ST8SIA1: variants seen among roughly 807,000 people sequenced by gnomAD.
ST8SIA1 encodes the protein alpha-N-acetylneuraminide alpha-2,8-sialyltransferase.
Under a neutral mutation model 35.9 loss-of-function variants are expected in ST8SIA1, and 16 were observed. That is an observed-to-expected ratio of 0.45 (90% confidence interval 0.30 to 0.68). The LOEUF (loss-of-function observed/expected upper bound fraction) is 0.68. Ranked by LOEUF, ST8SIA1 falls within the 30% of genes least tolerant of loss-of-function variation. The pLI, the probability that ST8SIA1 is intolerant of heterozygous loss-of-function variation, is 0.09. For synonymous variants in ST8SIA1, 170 were observed against 169.6 expected (o/e 1.00, Z -0.02); for missense variants, 383 against 453.6 (o/e 0.84, Z 1.41).
In ST8SIA1 at chr12:22,306,337, G is replaced by A. The variant is rs568861737; in HGVS notation, c.237-19044C>T. 6.2e-4 allele frequency among the ~76,000 whole-genome samples: 94 copies of A among 152,036 alleles called. 5 individuals carry two copies. The highest frequency in any genetic ancestry group is 6.1e-3 in the Admixed American group (93 of 15,256). On this transcript the variant is annotated intron_variant, in intron 1 of 4. Transcript: ENST00000396037. ...ACTGAGACCTGTCTCACATATTCAG[G>A]GTTCACACCTTATTCTTTCTTTCTT... is the stretch of plus-strand genomic sequence containing the variant.
At chr12:22,227,984 C>A (rs940334110) in intron 4 of ST8SIA1, among the ~76,000 whole-genome samples, 1 of 152,238 alleles carries the variant, frequency 6.6e-6, no homozygotes, top group Non-Finnish European at 1.5e-5. Context: ...TCCAGCTGCA[C>A]TGTTCTAAGG....
At position 22,194,488 on chromosome 12, in the gene ST8SIA1, T is replaced by G. The variant is rs1482356787; in HGVS notation, c.*7064A>C. 1 of 152,174 alleles carries G rather than the reference T, an allele frequency of 6.6e-6. No homozygotes were observed. Among genetic ancestry groups the G allele is most frequent in the Non-Finnish European group, 1.5e-5 (1 of 68,030 alleles). 9.4% of individuals were successfully genotyped at this position (152,174 alleles called of 1,614,324 possible). A position where few individuals can be genotyped will look rare whatever the true frequency, so the allele number is the denominator to read the frequency against. ...CTTGGAACAGACATGATTACATCTC[T>G]AAAGTGACAGAGGTATATGAAGGAA... On this transcript the variant is annotated 3_prime_UTR_variant, in exon 5 of 5. Transcript: ENST00000396037.
intron 1 of ST8SIA1, among the ~76,000 whole-genome samples, chr12:22,289,351 G>C (rs1268128186): frequency 6.6e-6 from 1 of 151,956 alleles, no homozygotes; most frequent in Non-Finnish European, 1.5e-5. Flanking sequence ...GGCTTAGAGC[G>C]GTTCCAGGAC....
intron 1 of ST8SIA1, among the ~76,000 whole-genome samples, chr12:22,313,865 G>C (rs1294499303): frequency 6.6e-6 from 1 of 152,040 alleles, no homozygotes; most frequent in Admixed American, 6.6e-5. Flanking sequence ...CTTATGCCCT[G>C]GTATTTGCTC....
intron 1 of ST8SIA1, among the ~76,000 whole-genome samples, chr12:22,303,668 CT>C (rs1401892092): frequency 2.6e-5 from 4 of 151,952 alleles, no homozygotes; most frequent in African/African-American, 9.7e-5. Context: ...TTTTGCTTAA[CT>C]TTTTTTGTTG....
At chr12:22,210,998 T>C (rs1374954376) in intron 4 of ST8SIA1, among the ~76,000 whole-genome samples, 1 of 152,250 alleles carries the variant, frequency 6.6e-6, no homozygotes, top group Non-Finnish European at 1.5e-5. Context: ...TTTCTGTCCA[T>C]AAATTCTCTC....
intron 4 of ST8SIA1, among the ~76,000 whole-genome samples, chr12:22,238,427 C>T (rs895646120): frequency 6.6e-5 from 10 of 151,780 alleles, no homozygotes; most frequent in African/African-American, 1.7e-4. Flanking sequence ...AGAAACCACA[C>T]AGAAAGCCCT....
intron 1 of ST8SIA1, among the ~76,000 whole-genome samples, chr12:22,287,671 T>C (rs1866118759): frequency 6.6e-6 from 1 of 152,176 alleles, no homozygotes; most frequent in Admixed American, 6.5e-5. Flanking sequence ...GCTATTCAGC[T>C]ACAGCAGAGG....
intron 1 of ST8SIA1, among the ~76,000 whole-genome samples, chr12:22,304,328 CTTTTTCTT>C (rs1314604553): frequency 1.9e-4 from 20 of 103,912 alleles, no homozygotes; most frequent in Non-Finnish European, 3.6e-4. Flanking sequence ...TTGTCTTTTT[CTTTTTCTT>C]TTTTTTTTTT....
At position 22,231,892 on chromosome 12, in the gene ST8SIA1, A is replaced by C. The variant is rs73267975; in HGVS notation, c.584+17114T>G. On this transcript the variant is annotated intron_variant, in intron 4 of 4. Coordinates refer to ENST00000396037, the MANE Select transcript of ST8SIA1 (RefSeq NM_003034.4). Reference sequence around the variant, plus strand: ...GGTTTTACAAATGTCAAAGTTTAAAAGACAAGAATAAGAATCTCTTACATG... The same window carrying C: ...GGTTTTACAAATGTCAAAGTTTAAACGACAAGAATAAGAATCTCTTACATG... Among the ~76,000 whole-genome samples the C allele has an allele frequency of 2.3e-3, 344 of 152,336 alleles. 2 individuals are homozygous for C. Among genetic ancestry groups the C allele is most frequent in the African/African-American group, 7.3e-3 (303 of 41,576 alleles).
At chr12:22,288,662 A>C (rs909849294) in intron 1 of ST8SIA1, among the ~76,000 whole-genome samples, 5 of 152,172 alleles carry the variant, frequency 3.3e-5, no homozygotes, top group African/African-American at 1.2e-4. Flanking sequence ...CAATGGAAAG[A>C]AGGACAGAAG....
At chr12:22,308,243 G>A (rs1428271133) in intron 1 of ST8SIA1, among the ~76,000 whole-genome samples, 1 of 152,144 alleles carries the variant, frequency 6.6e-6, no homozygotes, top group Non-Finnish European at 1.5e-5. Context: ...ACTTTTAAGA[G>A]CTATTAAAAA....
At chr12:22,203,897 A>G (rs2284849) in intron 4 of ST8SIA1, among the ~76,000 whole-genome samples, 65,216 of 151,950 alleles carry the variant, frequency 0.43, 14,297 homozygotes, top group East Asian at 0.6. Context: ...GTTCACTAAT[A>G]TCACAGCTTC....
At chr12:22,226,806 T>C (rs1361532127) in intron 4 of ST8SIA1, among the ~76,000 whole-genome samples, 2 of 152,214 alleles carry the variant, frequency 1.3e-5, no homozygotes, top group African/African-American at 4.8e-5. Context: ...GCTCATCCTT[T>C]GTTCTCCTAA....
chr12:22,292,803 C>T (rs1866195017), intron 1 of ST8SIA1, among the ~76,000 whole-genome samples: 1 of 152,130 alleles, frequency 6.6e-6, no homozygotes, highest in South Asian at 2.1e-4. Flanking sequence ...GTACTATGCT[C>T]ACTACCTGAA....
At chr12:22,276,604 C>T (rs1488129538) in intron 2 of ST8SIA1, among the ~76,000 whole-genome samples, 1 of 152,100 alleles carries the variant, frequency 6.6e-6, no homozygotes, top group African/African-American at 2.4e-5. Flanking sequence ...GCCACCCCCA[C>T]CCCTGCCCGA....
chr12:22,272,241 G>A (rs997940441), intron 2 of ST8SIA1, among the ~76,000 whole-genome samples: 14 of 152,146 alleles, frequency 9.2e-5, no homozygotes, highest in Admixed American at 3.9e-4. Flanking sequence ...AGAGCACTTT[G>A]CTACTTGTTT....
At chr12:22,228,245 G>C (rs911972070) in intron 4 of ST8SIA1, among the ~76,000 whole-genome samples, 6 of 152,196 alleles carry the variant, frequency 3.9e-5, no homozygotes, top group African/African-American at 1.4e-4. Flanking sequence ...GGATAGAGTG[G>C]GATTGAGTCA....
intron 1 of ST8SIA1, among the ~76,000 whole-genome samples, chr12:22,288,280 T>C (rs895737857): frequency 2.1e-4 from 32 of 152,230 alleles, no homozygotes; most frequent in Non-Finnish European, 4.4e-4. Flanking sequence ...TCAGACATCT[T>C]TAGCTGAAAG....
Sources: allele counts gnomAD v4.1 joint callset (sites outside exome capture counted in the v4.1 genomes callset), GRCh38; gene constraint gnomAD v4.1.1; transcripts MANE v1.5; gene names NCBI Gene and HGNC (gene_info 2026-07-23, HGNC 2026-07-21).